Variants in SCGB2B2 observed in about 807,000 individuals in gnomAD.
The protein encoded by SCGB2B2 is secretoglobin family 2B member 2, also known as secretoglobin-like protein.
A neutral mutation model predicts 7.6 loss-of-function variants in SCGB2B2; 11 were observed. The observed-to-expected ratio is 1.45, with a 90% CI of 0.91 to 2.40. The LOEUF (loss-of-function observed/expected upper bound fraction) is 2.40, where lower values mean the gene tolerates loss of function less well. SCGB2B2 is among the 30% of genes most tolerant of loss of function. The pLI is 0.00. For synonymous variants in SCGB2B2, 50 were observed against 48.6 expected (o/e 1.03, Z -0.12); for missense variants, 104 against 115.4 (o/e 0.90, Z 0.45).
At chr19:34,631,126 A>G (rs4806033) in intron 1 of SCGB2B2, among the ~76,000 whole-genome samples, 851 of 50,316 alleles carry the variant, frequency 0.017, 8 homozygotes, top group East Asian at 0.074. Context: ...GGGTGGGGGG[A>G]GGGGGGAGGG....
intron 1 of SCGB2B2, chr19:34,634,813 C>T (rs945012416): frequency 9.9e-5 from 23 of 233,130 alleles, no homozygotes; most frequent in African/African-American, 4.6e-4. Context: ...ATAGATTTAA[C>T]GCTGAAGGCT....
At chr19:34,585,791 T>C (rs780636448), downstream of SCGB2B2, among the ~76,000 whole-genome samples, 22 of 152,160 alleles carry the variant, frequency 1.4e-4, no homozygotes, top group Non-Finnish European at 2.4e-4. Context: ...GCCATCAGTG[T>C]TAGACACACA....
intron 1 of SCGB2B2, chr19:34,646,764 A>G (rs1289889473): frequency 6.5e-6 from 1 of 152,816 alleles, no homozygotes; most frequent in Non-Finnish European, 1.5e-5. Flanking sequence ...GCCTGACTCT[A>G]TCCATCAACA....
intron 1 of SCGB2B2, among the ~76,000 whole-genome samples, chr19:34,662,204 C>G (rs2067476860): frequency 6.6e-6 from 1 of 151,760 alleles, no homozygotes. Flanking sequence ...TATGTGTGAC[C>G]CAAAACAATT....
chr19:34,623,270 C>G (rs975661273), intron 1 of SCGB2B2, among the ~76,000 whole-genome samples: 1 of 152,112 alleles, frequency 6.6e-6, no homozygotes, highest in Non-Finnish European at 1.5e-5. Context: ...TTGGGACTTT[C>G]CTAAAGCAAA....
Sources: gnomAD v4.1 joint callset for allele counts (sites outside exome capture counted in the v4.1 genomes callset) on GRCh38, gnomAD v4.1.1 for gene constraint, MANE v1.5 for transcripts, NCBI Gene and HGNC (gene_info 2026-07-23, HGNC 2026-07-21) for gene names.